Variants in ENTPD1 observed in about 807,000 individuals in gnomAD.
The protein encoded by ENTPD1 is ectonucleoside triphosphate diphosphohydrolase 1.
ENTPD1 carries 33 observed loss-of-function variants against 57.0 expected under a neutral mutation model. The ratio of observed to expected loss-of-function variants is 0.58; its 90% CI spans 0.44 to 0.77. ENTPD1 has a LOEUF of 0.77. Among genes scored for constraint, ENTPD1 ranks in the 30% least tolerant of loss-of-function variants. ENTPD1 has a pLI of 0.00. For missense variants in ENTPD1, 501 were observed against 603.4 expected, an observed-to-expected ratio of 0.83 and a Z score of 1.78; for synonymous variants, 202 against 218.8, an observed-to-expected ratio of 0.92 and a Z score of 0.68.
At chr10:95,859,847 ATT>A (rs67253264) in intron 7 of ENTPD1, among the ~76,000 whole-genome samples, 1 of 151,724 alleles carries the variant, frequency 6.6e-6, no homozygotes, top group Non-Finnish European at 1.5e-5. Context: ...TTTTAATAGA[ATT>A]TTTTTTTGTT....
At chr10:95,738,792 C>T (rs558274824) in intron 1 of ENTPD1, among the ~76,000 whole-genome samples, 2 of 152,246 alleles carry the variant, frequency 1.3e-5, no homozygotes, top group South Asian at 4.1e-4. Flanking sequence ...TTATTAAGCA[C>T]ATAGGCACAC....
chr10:95,741,574 T>C (rs1274907983), intron 1 of ENTPD1, among the ~76,000 whole-genome samples: 1 of 152,184 alleles, frequency 6.6e-6, no homozygotes, highest in Non-Finnish European at 1.5e-5. Flanking sequence ...AACCTTCAAT[T>C]TGTAAAAATC....
At position 95,868,204 on chromosome 10, in the gene ENTPD1, A is replaced by G; in HGVS notation, c.*1821A>G. 3.0e-6 allele frequency: 3 copies of G among 985,486 alleles called. No individual in the cohort carries two copies. Among genetic ancestry groups the G allele is most frequent in the Non-Finnish European group, 3.6e-6 (3 of 829,942 alleles). The allele number at this position is 985,486 out of a possible 1,614,324, so 61.0% of individuals were successfully genotyped here. A position where few individuals can be genotyped will look rare whatever the true frequency, so the allele number is the denominator to read the frequency against. ...AGTCATTTGCCCAAATGGCTGAGCC[A>G]AAGCCTACCATGTACCTAACCTTTA... is the stretch of plus-strand genomic sequence containing the variant. On this transcript the variant is annotated 3_prime_UTR_variant, in exon 10 of 10. Transcript: ENST00000371205.
intron 2 of ENTPD1, among the ~76,000 whole-genome samples, chr10:95,827,358 G>A (rs2098381014): frequency 1.3e-5 from 2 of 151,998 alleles, no homozygotes; most frequent in Admixed American, 6.5e-5. Context: ...GGGAGGCTGA[G>A]GCAGGAGAAT....
rs2098484173 is a variant in ENTPD1 at position 95,874,818 on chromosome 10, G to A, written c.*8435G>A. On this transcript the variant is annotated 3_prime_UTR_variant, in exon 10 of 10. Coordinates refer to ENST00000371205, the MANE Select transcript of ENTPD1 (RefSeq NM_001776.6). ...AATTCTTGACATCTCTGCACCCACAGGCTCAACATCACATGGAAGCTGCCA... is the reference window on the plus strand; with the variant it reads ...AATTCTTGACATCTCTGCACCCACAAGCTCAACATCACATGGAAGCTGCCA... 6.6e-6 allele frequency among the ~76,000 whole-genome samples: 1 copy of A among 152,352 alleles called. No individual in the cohort carries two copies. The highest frequency in any genetic ancestry group is 6.5e-5 in the Admixed American group (1 of 15,306).
At chr10:95,822,362 T>C (rs1020972773) in intron 1 of ENTPD1, among the ~76,000 whole-genome samples, 6 of 151,704 alleles carry the variant, frequency 4.0e-5, no homozygotes, top group African/African-American at 1.5e-4. Flanking sequence ...AGTGGTGCGA[T>C]CTTGGCTCAC....
intron 2 of ENTPD1, among the ~76,000 whole-genome samples, chr10:95,825,065 G>A (rs978624557): frequency 6.6e-6 from 1 of 152,192 alleles, no homozygotes. Flanking sequence ...TAAACCAGAT[G>A]TGCTGTCCAA....
the ENTPD1 span, among the ~76,000 whole-genome samples, chr10:95,694,658 G>A: frequency 7.3e-6 from 1 of 136,748 alleles, no homozygotes; most frequent in Non-Finnish European, 1.6e-5. Flanking sequence ...ATAAGATGGA[G>A]GAATGGAAAT....
In ENTPD1 at chr10:95,870,852, T is replaced by C. The variant is rs2098479592; in HGVS notation, c.*4469T>C. 2 of 985,470 alleles carry C rather than the reference T, an allele frequency of 2.0e-6. No homozygotes were observed. Among genetic ancestry groups the C allele is most frequent in the Non-Finnish European group, 2.4e-6 (2 of 829,936 alleles). 61.0% of individuals were successfully genotyped at this position (985,470 alleles called of 1,614,324 possible). A position where few individuals can be genotyped will look rare whatever the true frequency, so the allele number is the denominator to read the frequency against. Reference sequence around the variant, plus strand: ...TTTTTATAACAGCCTCAAAGTTTCATGAATTGCTGCAGTAAACATTGATTT... The same window carrying C: ...TTTTTATAACAGCCTCAAAGTTTCACGAATTGCTGCAGTAAACATTGATTT... On this transcript the variant is annotated 3_prime_UTR_variant, in exon 10 of 10. Transcript: ENST00000371205.
chr10:95,755,979 C>A (rs1015038811), upstream of ENTPD1: 5 of 1,465,136 alleles, frequency 3.4e-6, no homozygotes, highest in East Asian at 7.4e-5. Flanking sequence ...CAAAAAATTA[C>A]AACCTGGAAA....
intron 1 of ENTPD1, among the ~76,000 whole-genome samples, chr10:95,739,032 TAGTCTATA>T (rs1456738882): frequency 1.3e-5 from 2 of 152,346 alleles, no homozygotes; most frequent in Non-Finnish European, 2.9e-5. Context: ...CATTATATTA[TAGTCTATA>T]AAGTGTGCAA....
intron 1 of ENTPD1, among the ~76,000 whole-genome samples, chr10:95,779,396 T>G (rs2098147370): frequency 6.6e-6 from 1 of 152,190 alleles, no homozygotes; most frequent in African/African-American, 2.4e-5. Flanking sequence ...TTGGACCATG[T>G]TCTCTCAAAG....
chr10:95,870,622 A>G lies in ENTPD1; in HGVS notation c.*4239A>G, dbSNP rs1376377549. On this transcript the variant is annotated 3_prime_UTR_variant, in exon 10 of 10. Coordinates refer to ENST00000371205, the MANE Select transcript of ENTPD1 (RefSeq NM_001776.6). ...GCTCACAGAACAAAGTTTGCCACAT[A>G]ATGATAAAATTACTATGAAAATATA... is the stretch of plus-strand genomic sequence containing the variant. The G allele has an allele frequency of 1.0e-6, 1 of 985,350 alleles. No individual in the cohort carries two copies. The highest frequency in any genetic ancestry group is 6.1e-5 in the Admixed American group (1 of 16,270). 61.0% of individuals were successfully genotyped at this position (985,350 alleles called of 1,614,324 possible).
intron 1 of ENTPD1, among the ~76,000 whole-genome samples, chr10:95,804,738 G>A (rs2098265164): frequency 6.6e-6 from 1 of 152,158 alleles, no homozygotes; most frequent in South Asian, 2.1e-4. Context: ...GGTGAGAGAG[G>A]GCATCCCTGT....
chr10:95,792,857 G>A (rs1040674164), intron 1 of ENTPD1, among the ~76,000 whole-genome samples: 1 of 152,188 alleles, frequency 6.6e-6, no homozygotes, highest in Non-Finnish European at 1.5e-5. Context: ...GTAAAGATGT[G>A]CTCTGCATTC....
At chr10:95,717,055 C>T (rs2097972330) in intron 1 of ENTPD1, among the ~76,000 whole-genome samples, 1 of 152,180 alleles carries the variant, frequency 6.6e-6, no homozygotes, top group South Asian at 2.1e-4. Context: ...TAGGCATGGG[C>T]CGTGTGGGAT....
intron 1 of ENTPD1, among the ~76,000 whole-genome samples, chr10:95,759,972 C>T (rs899913919): frequency 1.3e-5 from 2 of 152,138 alleles, no homozygotes; most frequent in African/African-American, 4.8e-5. Flanking sequence ...ATACGTTCTA[C>T]CTCCTCAAGA....
At chr10:95,863,797 T>C (rs989270283) in intron 8 of ENTPD1, among the ~76,000 whole-genome samples, 1 of 152,162 alleles carries the variant, frequency 6.6e-6, no homozygotes, top group East Asian at 1.9e-4. Flanking sequence ...AGATGGTACA[T>C]GATGCATGCA....
intron 1 of ENTPD1, among the ~76,000 whole-genome samples, chr10:95,720,242 G>A (rs898530790): frequency 5.9e-5 from 9 of 152,134 alleles, no homozygotes; most frequent in Middle Eastern, 3.4e-3. Flanking sequence ...TTCTTTGCTC[G>A]TCCATATTGT....
Sources: allele counts gnomAD v4.1 joint callset (sites outside exome capture counted in the v4.1 genomes callset), GRCh38; gene constraint gnomAD v4.1.1; transcripts MANE v1.5; gene names NCBI Gene and HGNC (gene_info 2026-07-23, HGNC 2026-07-21).